Variants in NKAIN3 observed in about 807,000 individuals in gnomAD.
NKAIN3 encodes the protein sodium/potassium-transporting ATPase subunit beta-1-interacting protein 3.
In NKAIN3, 25 loss-of-function variants were observed where a neutral mutation model predicts 30.2. That is an observed-to-expected ratio of 0.83 (90% confidence interval 0.60 to 1.16). The LOEUF is 1.16. NKAIN3 is among the 50% of genes most tolerant of loss of function. NKAIN3 has a pLI of 0.00. For missense variants in NKAIN3, 225 were observed against 254.1 expected (o/e 0.89, Z 0.78); for synonymous variants, 91 against 89.6 (o/e 1.02, Z -0.09).
chr8:62,531,760 G>A (rs940239452), intron 1 of NKAIN3, among the ~76,000 whole-genome samples: 6 of 152,154 alleles, frequency 3.9e-5, no homozygotes, highest in Non-Finnish European at 1.5e-5. Context: ...AACTAACTGG[G>A]CACTCACTCA....
chr8:62,483,054 C>G (rs1043612546), intron 1 of NKAIN3: 13 of 152,160 alleles, frequency 8.5e-5, no homozygotes, highest in African/African-American at 3.1e-4. Context: ...CTTTGCAGAG[C>G]CTTCTCGGCT....
At chr8:62,485,199 G>A (rs1806860446) in intron 1 of NKAIN3, among the ~76,000 whole-genome samples, 1 of 151,932 alleles carries the variant, frequency 6.6e-6, no homozygotes, top group South Asian at 2.1e-4. Flanking sequence ...TCACAATGAG[G>A]ACAAAAGCCC....
At chr8:62,383,881 C>CTTT (rs202071193) in intron 1 of NKAIN3, among the ~76,000 whole-genome samples, 27 of 145,822 alleles carry the variant, frequency 1.9e-4, no homozygotes, top group East Asian at 1.6e-3. Flanking sequence ...CATGAATTTT[C>CTTT]TTTTTTTTTT....
At chr8:62,785,958 G>C (rs1329944355) in intron 4 of NKAIN3, among the ~76,000 whole-genome samples, 1 of 152,034 alleles carries the variant, frequency 6.6e-6, no homozygotes, top group Non-Finnish European at 1.5e-5. Flanking sequence ...CTCACAACTG[G>C]ACAGCCAGGT....
At chr8:62,884,261 ATTTT>A (rs11321774) in intron 4 of NKAIN3, among the ~76,000 whole-genome samples, 1 of 146,524 alleles carries the variant, frequency 6.8e-6, no homozygotes, top group African/African-American at 2.5e-5. Flanking sequence ...ATTTTAGAGA[ATTTT>A]TTTTTTTTTT....
chr8:62,705,341 G>A (rs1814484075), intron 3 of NKAIN3, among the ~76,000 whole-genome samples: 1 of 152,132 alleles, frequency 6.6e-6, no homozygotes, highest in Admixed American at 6.6e-5. Flanking sequence ...AAGACCAACT[G>A]AACAGAGACC....
rs183184331 is a variant in NKAIN3, at chr8:62,806,023, G to T, written c.471+58894G>T. On this transcript the variant is annotated intron_variant, in intron 4 of 6. Transcript: ENST00000623646. Reference sequence around the variant, plus strand: ...GAACAGACACTTCTAAAAAGAAGTCGTTTATGCAGCCAAAAAAACACATGA... The same window carrying T: ...GAACAGACACTTCTAAAAAGAAGTCTTTTATGCAGCCAAAAAAACACATGA... 1.1e-3 allele frequency among the ~76,000 whole-genome samples: 167 copies of T among 152,198 alleles called. 1 individual carries two copies. Among genetic ancestry groups the T allele is most frequent in the African/African-American group, 3.6e-3 (150 of 41,544 alleles).
At chr8:62,405,646 G>A (rs528264189) in intron 1 of NKAIN3, among the ~76,000 whole-genome samples, 1 of 152,092 alleles carries the variant, frequency 6.6e-6, no homozygotes, top group Non-Finnish European at 1.5e-5. Flanking sequence ...AGTGGTGTGG[G>A]GGTGGTGTGG....
At chr8:62,537,296 C>T (rs1379593371) in intron 1 of NKAIN3, among the ~76,000 whole-genome samples, 2 of 152,156 alleles carry the variant, frequency 1.3e-5, no homozygotes, top group Non-Finnish European at 2.9e-5. Flanking sequence ...CTCTTTGAAG[C>T]TCATTTGCTA....
chr8:62,495,937 G>A (rs890870122), intron 1 of NKAIN3, among the ~76,000 whole-genome samples: 24 of 152,240 alleles, frequency 1.6e-4, no homozygotes, highest in African/African-American at 5.8e-4. Flanking sequence ...CTCCAGGCCA[G>A]TGCTTATGCC....
At chr8:62,307,440 T>C (rs1814284397) in intron 1 of NKAIN3, among the ~76,000 whole-genome samples, 1 of 150,134 alleles carries the variant, frequency 6.7e-6, no homozygotes, top group Admixed American at 6.6e-5. Flanking sequence ...TTTTCTTCTT[T>C]CCTTCTTTCC....
chr8:62,738,874 T>G (rs1042345733), intron 3 of NKAIN3, among the ~76,000 whole-genome samples: 2 of 152,026 alleles, frequency 1.3e-5, no homozygotes, highest in Admixed American at 1.3e-4. Context: ...TGAAATGCCC[T>G]CCAATGATAG....
At position 62,970,962 on chromosome 8, in the gene NKAIN3, A is replaced by T. The variant is rs1477118728; in HGVS notation, c.*5555A>T. Among the ~76,000 whole-genome samples, 2 of 152,224 alleles carry T rather than the reference A, an allele frequency of 1.3e-5. No individual in the cohort carries two copies. Among genetic ancestry groups the T allele is most frequent in the African/African-American group, 2.4e-5 (1 of 41,468 alleles). ...TACAAGTAACAGAAAAAGAAAAATGACAATGGATTAAATAACATAGAGGTC... is the reference window on the plus strand; with the variant it reads ...TACAAGTAACAGAAAAAGAAAAATGTCAATGGATTAAATAACATAGAGGTC... On this transcript the variant is annotated 3_prime_UTR_variant, in exon 7 of 7. Coordinates refer to ENST00000623646, the MANE Select transcript of NKAIN3 (RefSeq NM_001304533.3).
intron 1 of NKAIN3, among the ~76,000 whole-genome samples, chr8:62,454,301 C>CAAAAAAAAAAAAAAAAAAAAATAAAAAAA (rs1805743494): frequency 1.8e-5 from 1 of 56,152 alleles, no homozygotes; most frequent in Non-Finnish European, 3.8e-5. Context: ...AGCTGATGTG[C>CAAAAAAAAAAAAAAAAAAAAATAAAAAAA]AAAAAAAAAA....
rs1258647093 is a variant in NKAIN3 at position 62,983,779 on chromosome 8, C to T, written c.*18372C>T. ...CACCCATTTTATACAAACCAAAGCA[C>T]TTCTGACAGACCTCTGAATTTGCAT... On this transcript the variant is annotated 3_prime_UTR_variant, in exon 7 of 7. Transcript: ENST00000623646. 1.3e-5 allele frequency: 2 copies of T among 152,206 alleles called. No individual in the cohort carries two copies. The highest frequency in any genetic ancestry group is 2.4e-5 in the African/African-American group (1 of 41,450). 9.4% of individuals were successfully genotyped at this position (152,206 alleles called of 1,614,324 possible).
intron 4 of NKAIN3, among the ~76,000 whole-genome samples, chr8:62,775,818 T>C (rs1817176177): frequency 6.6e-6 from 1 of 152,102 alleles, no homozygotes; most frequent in Admixed American, 6.6e-5. Flanking sequence ...TTTGATCTAT[T>C]GTACAGTTTA....
At chr8:62,534,968 T>C (rs575303854) in intron 1 of NKAIN3, among the ~76,000 whole-genome samples, 1 of 151,098 alleles carries the variant, frequency 6.6e-6, no homozygotes. Context: ...GACAAATAAC[T>C]CTATCCATTG....
intron 1 of NKAIN3, among the ~76,000 whole-genome samples, chr8:62,476,295 T>A (rs996457820): frequency 2.0e-5 from 3 of 152,178 alleles, no homozygotes; most frequent in Non-Finnish European, 4.4e-5. Context: ...TCAGATAGAA[T>A]TTAGAAGAGT....
chr8:62,634,491 G>A (rs1156984412), intron 3 of NKAIN3, among the ~76,000 whole-genome samples: 5 of 152,144 alleles, frequency 3.3e-5, no homozygotes, highest in Admixed American at 6.5e-5. Flanking sequence ...ATACTTGTTC[G>A]TCTCAGTGAT....
Sources: gnomAD v4.1 joint callset for allele counts (sites outside exome capture counted in the v4.1 genomes callset) on GRCh38, gnomAD v4.1.1 for gene constraint, MANE v1.5 for transcripts, NCBI Gene and HGNC (gene_info 2026-07-23, HGNC 2026-07-21) for gene names.